The following KBTBD11 variants were observed in gnomAD, a reference collection of about 807,000 sequenced individuals.
KBTBD11 encodes the protein kelch repeat and BTB domain-containing protein 11.
For missense variants in KBTBD11, 1,390 were observed against 1,001.8 expected (o/e 1.39, Z -5.23); for synonymous variants, 747 against 499.0 (o/e 1.50, Z -6.63).
intron 1 of KBTBD11, among the ~76,000 whole-genome samples, chr8:1,977,803 T>C (rs988977406): frequency 7.9e-5 from 12 of 152,340 alleles, no homozygotes; most frequent in African/African-American, 2.6e-4. Context: ...CCCAAAGTGC[T>C]GGGATTACAG....
At position 2,003,206 on chromosome 8, in the gene KBTBD11, G is replaced by A. The variant is rs1224971573; in HGVS notation, c.*142G>A. ...GACACTTCGAAGGAGCCCCGAGGAC[G>A]CTCTCAGGGCCGCTTTCGCTTTGCT... is the stretch of plus-strand genomic sequence containing the variant. On this transcript the variant is annotated 3_prime_UTR_variant, in exon 2 of 2. Transcript: ENST00000320248. The A allele has an allele frequency of 1.7e-6, 2 of 1,192,712 alleles. No homozygotes were observed. The highest frequency in any genetic ancestry group is 1.6e-5 in the African/African-American group (1 of 63,222). 73.9% of individuals were successfully genotyped at this position (1,192,712 alleles called of 1,614,324 possible).
At position 2,001,877 on chromosome 8, in the gene KBTBD11, C is replaced by T. The variant is rs746327527; in HGVS notation, c.685C>T (p.Pro229Ser). 1.3e-5 allele frequency: 18 copies of T among 1,350,290 alleles called. No individual in the cohort carries two copies. The highest frequency in any genetic ancestry group is 1.5e-5 in the Non-Finnish European group (16 of 1,039,844). The allele number at this position is 1,350,290 out of a possible 1,614,324, so 83.6% of individuals were successfully genotyped here. A position where few individuals can be genotyped will look rare whatever the true frequency, so the allele number is the denominator to read the frequency against. The change falls in exon 2 of 2, where the codon CCG becomes TCG. Residue 229 changes from proline (P) to serine (S), a missense_variant. By Grantham distance (74) the Pro-to-Ser change is moderately conservative (BLOSUM62 -1). Transcript: ENST00000320248. The stretch of plus-strand genomic sequence containing the variant: ...GCAGCGCGCCACCGACGCCGTGGGG[C>T]CGCAGCTGAGCCTGGCCAACTGCTA... ...AAQRATDAVG[P>S]QLSLANCYEV...
chr8:1,977,915 C>G (rs1407631508), intron 1 of KBTBD11, among the ~76,000 whole-genome samples: 5 of 152,178 alleles, frequency 3.3e-5, no homozygotes, highest in South Asian at 4.1e-4. Flanking sequence ...GTTCACAGTT[C>G]TGAATATTCG....
At position 1,991,941 on chromosome 8, in the gene KBTBD11, T is replaced by G. The variant is rs192706041; in HGVS notation, c.-908-8344T>G. Among the ~76,000 whole-genome samples, 15 of 152,172 alleles carry G rather than the reference T, an allele frequency of 9.9e-5. No individual in the cohort carries two copies. In the East Asian group the frequency reaches 2.9e-3, roughly 29 times the overall value. ...CCAATGCGTGAAATGTGTGCTTATT[T>G]CATCGCGGTAGACACACAGGGAGGT... On this transcript the variant is annotated intron_variant, in intron 1 of 1. Coordinates refer to ENST00000320248, the MANE Select transcript of KBTBD11 (RefSeq NM_014867.3).
In KBTBD11 at chr8:2,001,969, G is replaced by A. The variant is rs760726338; in HGVS notation, c.777G>A (p.Met259Ile). Residue 259 changes from methionine to isoleucine, a missense_variant, in exon 2 of 2, where the codon ATG (methionine) becomes ATA (isoleucine). Physicochemically the swap from Met to Ile is conservative, Grantham distance 10. Transcript: ENST00000320248. ...TGCGCGACGCCGCCTACTGCTTCATGAGCGACCACTATCTGGAGGTGCTGC... is the reference window on the plus strand; with the variant it reads ...TGCGCGACGCCGCCTACTGCTTCATAAGCGACCACTATCTGGAGGTGCTGC... ...NELRDAAYCF[M>I]SDHYLEVLRE... 4.4e-5 allele frequency: 65 copies of A among 1,470,658 alleles called. No homozygotes were observed. The highest frequency in any genetic ancestry group is 5.3e-5 in the Non-Finnish European group (59 of 1,107,878). The allele number at this position is 1,470,658 out of a possible 1,614,324, so 91.1% of individuals were successfully genotyped here.
At chr8:1,975,914 G>A (rs1247034677) in intron 1 of KBTBD11, 2 of 152,256 alleles carry the variant, frequency 1.3e-5, no homozygotes, top group African/African-American at 2.4e-5. Context: ...AACCTTGGCA[G>A]TGGGAGCCCA....
In KBTBD11 at chr8:2,005,506, C is replaced by A; in HGVS notation, c.*2442C>A. 1.2e-5 allele frequency: 2 copies of A among 167,134 alleles called. No homozygotes were observed. 10.4% of individuals were successfully genotyped at this position (167,134 alleles called of 1,614,324 possible). ...AAAAGCCACACCCTCCAAGGTGTGG[C>A]TTTCATTTTGGGACTGCTGCAGGGA... On this transcript the variant is annotated 3_prime_UTR_variant, in exon 2 of 2. Transcript: ENST00000320248.
chr8:2,003,234 C>T lies in KBTBD11; in HGVS notation c.*170C>T. The T allele has an allele frequency of 2.7e-6, 3 of 1,103,830 alleles. No individual in the cohort carries two copies. Among genetic ancestry groups the T allele is most frequent in the South Asian group, 4.8e-5 (1 of 20,940 alleles). 68.4% of individuals were successfully genotyped at this position (1,103,830 alleles called of 1,614,324 possible). A position where few individuals can be genotyped will look rare whatever the true frequency, so the allele number is the denominator to read the frequency against. ...CTCAGGGCCGCTTTCGCTTTGCTTT[C>T]CTTTTGCTTGTCTTTGCTTCTGGGG... On this transcript the variant is annotated 3_prime_UTR_variant, in exon 2 of 2. Coordinates refer to ENST00000320248, the MANE Select transcript of KBTBD11 (RefSeq NM_014867.3).
chr8:1,998,879 C>T (rs532923804), intron 1 of KBTBD11, among the ~76,000 whole-genome samples: 1 of 152,344 alleles, frequency 6.6e-6, no homozygotes, highest in Non-Finnish European at 1.5e-5. Flanking sequence ...TTTCGGGTCA[C>T]CGTTACATTG....
intron 1 of KBTBD11, among the ~76,000 whole-genome samples, chr8:1,990,250 G>T (rs1239173694): frequency 6.7e-6 from 1 of 149,534 alleles, no homozygotes; most frequent in African/African-American, 2.5e-5. Context: ...CTGGGTAGAT[G>T]CTGGGCCTTG....
At chr8:1,996,834 A>T (rs1221974145) in intron 1 of KBTBD11, among the ~76,000 whole-genome samples, 1 of 152,154 alleles carries the variant, frequency 6.6e-6, no homozygotes, top group Non-Finnish European at 1.5e-5. Flanking sequence ...AGAAACTTAG[A>T]AGTTTAGATA....
chr8:1,984,278 A>ATTT (rs1390339780), intron 1 of KBTBD11, among the ~76,000 whole-genome samples: 1 of 107,018 alleles, frequency 9.3e-6, no homozygotes, highest in Non-Finnish European at 1.8e-5. Context: ...TCTCTAAAAA[A>ATTT]GTTTTTTTTT....
intron 1 of KBTBD11, among the ~76,000 whole-genome samples, chr8:1,977,190 C>T (rs1256692342): frequency 6.6e-6 from 1 of 151,958 alleles, no homozygotes; most frequent in African/African-American, 2.4e-5. Flanking sequence ...GATTGGAGAC[C>T]CCTGCTTTAG....
chr8:2,002,768 C>T lies in KBTBD11; in HGVS notation c.1576C>T (p.Arg526Ter), dbSNP rs1439419812. 1 of 1,478,630 alleles carries T rather than the reference C, an allele frequency of 6.8e-7. No homozygotes were observed. The highest frequency in any genetic ancestry group is 2.7e-5 in the East Asian group (1 of 36,398). The allele number at this position is 1,478,630 out of a possible 1,614,324, so 91.6% of individuals were successfully genotyped here. ...GGGGCCGAGCGGGGTCAGCGTGTCC[C>T]GATACCACTGCCTGGCCAAGCAGTG... is the stretch of plus-strand genomic sequence containing the variant. ...AAGPSGVSVS[R>*]YHCLAKQWSP... The change falls in exon 2 of 2, where the codon CGA becomes TGA. Residue 526 changes from arginine (R) to a stop codon, truncating the protein, a stop_gained. Transcript: ENST00000320248. LOFTEE classifies it low-confidence loss of function (END_TRUNC). This position sits in a 1 kb window ranked among gnomAD's most constrained non-coding sequence, Gnocchi z 4.1.
In KBTBD11 at chr8:2,001,955, G is replaced by A; in HGVS notation, c.763G>A (p.Ala255Thr). 3 of 1,473,478 alleles carry A rather than the reference G, an allele frequency of 2.0e-6. No individual in the cohort carries two copies. Among genetic ancestry groups the A allele is most frequent in the Non-Finnish European group, 1.8e-6 (2 of 1,109,500 alleles). 91.3% of individuals were successfully genotyped at this position (1,473,478 alleles called of 1,614,324 possible). A position where few individuals can be genotyped will look rare whatever the true frequency, so the allele number is the denominator to read the frequency against. Residue 255 changes from alanine (A) to threonine (T), a missense_variant, in exon 2 of 2, where the codon GCC (alanine) becomes ACC (threonine). Coordinates refer to ENST00000320248, the MANE Select transcript of KBTBD11 (RefSeq NM_014867.3). ...RQRLNELRDAAYCFMSDHYLE... is the reference protein window; with the variant it reads ...RQRLNELRDATYCFMSDHYLE... ...GCGGCTGAACGAGCTGCGCGACGCC[G>A]CCTACTGCTTCATGAGCGACCACTA...
intron 1 of KBTBD11, among the ~76,000 whole-genome samples, chr8:1,993,351 A>G (rs1371770862): frequency 1.5e-5 from 2 of 135,516 alleles, no homozygotes; most frequent in Non-Finnish European, 3.3e-5. Flanking sequence ...CTTTCTGTCC[A>G]TCCATCGGTC....
At position 2,000,945 on chromosome 8, in the gene KBTBD11, A is replaced by T. The variant is rs867668752; in HGVS notation, c.-248A>T. ...GGCAGATTTAAAGTGGCTGGGGTTCAGAAGTTCAGCAAGTCGGACACACCC... is the reference window on the plus strand; with the variant it reads ...GGCAGATTTAAAGTGGCTGGGGTTCTGAAGTTCAGCAAGTCGGACACACCC... On this transcript the variant is annotated 5_prime_UTR_variant, in exon 2 of 2. An upstream open reading frame in the 5' UTR gains an earlier in-frame stop. Transcript: ENST00000320248. 1.2e-5 allele frequency: 5 copies of T among 412,212 alleles called. No homozygotes were observed. The highest frequency in any genetic ancestry group is 1.3e-3 in the Middle Eastern group (2 of 1,584). 25.5% of individuals were successfully genotyped at this position (412,212 alleles called of 1,614,324 possible). A position where few individuals can be genotyped will look rare whatever the true frequency, so the allele number is the denominator to read the frequency against.
Position 2,002,178 on chromosome 8 carries a change from G to T in KBTBD11, c.986G>T (p.Cys329Phe). The T allele has an allele frequency of 3.2e-6, 4 of 1,243,784 alleles. No homozygotes were observed. Among genetic ancestry groups the T allele is most frequent in the Non-Finnish European group, 4.0e-6 (4 of 996,286 alleles). 77.0% of individuals were successfully genotyped at this position (1,243,784 alleles called of 1,614,324 possible). The change falls in exon 2 of 2, where the codon TGC becomes TTC. Residue 329 changes from cysteine to phenylalanine, a missense_variant. Cys to Phe is a radical substitution (Grantham distance 205). Transcript: ENST00000320248. This position sits in a 1 kb window ranked among gnomAD's most constrained non-coding sequence, Gnocchi z 4.1. ...GCGCGCGGGGACGCGGCCGTCTACT[G>T]CTTCCACGCGGCGGCCGGAGAGTGG... ...ADARGDAAVY[C>F]FHAAAGEWRE...
intron 1 of KBTBD11, among the ~76,000 whole-genome samples, chr8:1,996,636 TA>T (rs1047074391): frequency 7.3e-5 from 11 of 151,626 alleles, no homozygotes; most frequent in Middle Eastern, 3.4e-3. Context: ...ACGCATTCTT[TA>T]AAAAAAAATT....
Sources: gnomAD v4.1 joint callset for allele counts (sites outside exome capture counted in the v4.1 genomes callset) on GRCh38, gnomAD v4.1.1 for gene constraint, Gnocchi (gnomAD v3.1) non-coding constraint, MANE v1.5 for transcripts, NCBI Gene and HGNC (gene_info 2026-07-23, HGNC 2026-07-21) for gene names.